Variants in VPS29 observed in about 807,000 individuals in gnomAD.
VPS29 encodes vacuolar protein sorting-associated protein 29.
Under a neutral mutation model 20.0 loss-of-function variants are expected in VPS29, and 2 were observed. The observed-to-expected ratio is 0.10, with a 90% CI of 0.04 to 0.31. The LOEUF is 0.31. Ranked by LOEUF, VPS29 falls within the 10% of genes least tolerant of loss-of-function variation. The pLI is 1.00. For synonymous variants in VPS29, 81 were observed against 79.3 expected, an observed-to-expected ratio of 1.02 and a Z score of -0.12; for missense variants, 120 against 215.3, an observed-to-expected ratio of 0.56 and a Z score of 2.77.
intron 2 of VPS29, 43 bp downstream of exon 2, chr12:110,495,969 C>A: frequency 2.1e-6 from 3 of 1,441,442 alleles, no homozygotes; most frequent in South Asian, 3.3e-5. Context: ...AAGTAATAAT[C>A]AAGAAAGGGA....
intron 1 of VPS29, 45 bp from the exon 2 acceptor site, chr12:110,496,248 A>G: frequency 6.7e-7 from 1 of 1,495,230 alleles, no homozygotes; most frequent in Non-Finnish European, 9.1e-7. Flanking sequence ...TAAACACAAT[A>G]TCAAAACAAA....
At chr12:110,495,639 A>C (rs976071833) in intron 2 of VPS29, among the ~76,000 whole-genome samples, 15 of 151,908 alleles carry the variant, frequency 9.9e-5, no homozygotes, top group African/African-American at 3.6e-4. Context: ...CCTGAGAGGC[A>C]GAGGTTTCAG....
intron 3 of VPS29, 31 bp downstream of exon 3, chr12:110,492,965 C>T: frequency 6.4e-7 from 1 of 1,556,602 alleles, no homozygotes; most frequent in Non-Finnish European, 8.7e-7. Flanking sequence ...TTTACTAAAG[C>T]CCCCAAATTC....
At chr12:110,499,495 C>T in intron 1 of VPS29, 1 of 1,611,460 alleles carries the variant, frequency 6.2e-7, no homozygotes, top group Non-Finnish European at 8.5e-7. Flanking sequence ...AACAGCCACC[C>T]AACCACCACT....
At chr12:110,497,970 ATT>A (rs559575872) in intron 1 of VPS29, among the ~76,000 whole-genome samples, 19 of 131,366 alleles carry the variant, frequency 1.4e-4, no homozygotes, top group Non-Finnish European at 8.2e-5. Context: ...AACAGAATCG[ATT>A]TTTTTTTTTT....
Position 110,496,180 on chromosome 12 carries a change from C to T in VPS29, c.27G>A (p.Leu9=), listed in dbSNP as rs938933125. The change falls in exon 2 of 4, where the codon CTG becomes CTA. Residue 9 remains leucine, a synonymous_variant. Transcript: ENST00000549578. MLVLVLGD[L]HIPHRCNSLP... ...AACTGTTGCACCGGTGTGGGATGTG[C>T]AGATCTCCTAATACCAACACCAACT... 3 of 1,611,456 alleles carry T rather than the reference C, an allele frequency of 1.9e-6. No individual in the cohort carries two copies. In the African/African-American group the frequency reaches 4.0e-5, roughly 22 times the overall value.
At position 110,493,164 on chromosome 12, in the gene VPS29, T is replaced by A. The variant is rs1254156966; in HGVS notation, c.263A>T (p.His88Leu). 1 of 1,612,542 alleles carries A rather than the reference T, an allele frequency of 6.2e-7. No individual in the cohort carries two copies. The highest frequency in any genetic ancestry group is 8.5e-7 in the Non-Finnish European group (1 of 1,179,428). The change falls in exon 3 of 4, where the codon CAT becomes CTT. Residue 88 changes from histidine to leucine, a missense_variant. By Grantham distance (99) the His-to-Leu change is moderately conservative. Transcript: ENST00000549578. ...GQFKIGLIHG[H>L]QVIPWGDMAS... is the part of the protein sequence containing the mutation. ...CATATCTCCCCATGGAATAACTTGA[T>A]GTCCATGGATCAGACCAATTTTGAA... is the stretch of plus-strand genomic sequence containing the variant.
Position 110,491,931 on chromosome 12 carries a change from C to T in VPS29, c.*74G>A. On this transcript the variant is annotated 3_prime_UTR_variant, in exon 4 of 4. Coordinates refer to ENST00000549578, the MANE Select transcript of VPS29 (RefSeq NM_016226.5). ...TTATAAAAGTGATACAATTTTGTGG[C>T]TCTTAAATGTTTAATTACTTGATTT... The T allele has an allele frequency of 9.6e-7, 1 of 1,039,920 alleles. No individual in the cohort carries two copies. Among genetic ancestry groups the T allele is most frequent in the Non-Finnish European group, 1.5e-6 (1 of 676,646 alleles). 64.4% of individuals were successfully genotyped at this position (1,039,920 alleles called of 1,614,324 possible).
chr12:110,496,172 G>T lies in VPS29; in HGVS notation c.35C>A (p.Pro12Gln), dbSNP rs754505678. Reference protein sequence around the residue: ...LVLVLGDLHIPHRCNSLPAKF... With the variant: ...LVLVLGDLHIQHRCNSLPAKF... The stretch of plus-strand genomic sequence containing the variant: ...AGCTGGCAAACTGTTGCACCGGTGT[G>T]GGATGTGCAGATCTCCTAATACCAA... The change falls in exon 2 of 4, where the codon CCA (proline) becomes CAA (glutamine). Residue 12 changes from proline to glutamine, a missense_variant. Pro to Gln is a moderately conservative substitution (Grantham distance 76). Transcript: ENST00000549578. The T allele has an allele frequency of 6.2e-7, 1 of 1,613,242 alleles. No homozygotes were observed. Among genetic ancestry groups the T allele is most frequent in the Non-Finnish European group, 8.5e-7 (1 of 1,179,330 alleles).
intron 1 of VPS29, chr12:110,501,277 G>A (rs948040217): frequency 1.8e-6 from 2 of 1,084,774 alleles, no homozygotes; most frequent in Non-Finnish European, 2.6e-6. Flanking sequence ...AACTACTGGG[G>A]GTGAAGGGGT....
intron 2 of VPS29, among the ~76,000 whole-genome samples, chr12:110,493,698 A>T (rs1565859328): frequency 6.6e-6 from 1 of 152,134 alleles, no homozygotes; most frequent in Non-Finnish European, 1.5e-5. Context: ...TTGGTCTCCA[A>T]GGCTGCATCT....
In VPS29 at chr12:110,493,092, A is replaced by G. The variant is rs1276533496; in HGVS notation, c.335T>C (p.Ile112Thr). The G allele has an allele frequency of 6.2e-7, 1 of 1,614,126 alleles. No homozygotes were observed. Among genetic ancestry groups the G allele is most frequent in the Non-Finnish European group, 8.5e-7 (1 of 1,180,028 alleles). ...TTCAAATTTGTGTGTGTGTCCCGAGATAAGAATGTCCACATCAAATTGCCT... is the reference window on the plus strand; with the variant it reads ...TTCAAATTTGTGTGTGTGTCCCGAGGTAAGAATGTCCACATCAAATTGCCT... ...LQRQFDVDIL[I>T]SGHTHKFEAF... The change falls in exon 3 of 4, where the codon ATC (isoleucine) becomes ACC (threonine). Residue 112 changes from isoleucine to threonine, a missense_variant. Ile to Thr is a moderately conservative substitution (Grantham distance 89). Transcript: ENST00000549578.
At chr12:110,493,297 T>C (rs2062848804) in intron 2 of VPS29, 66 bp from the exon 3 acceptor site, 1 of 1,182,520 alleles carries the variant, frequency 8.5e-7, no homozygotes, top group Non-Finnish European at 1.1e-6. Flanking sequence ...AAAAATCAGT[T>C]TCCTTAAATA....
rs11554379 is a variant in VPS29, at chr12:110,496,064, T to G, written c.143A>C (p.Tyr48Ser). The change falls in exon 2 of 4, where the codon TAT becomes TCT. Residue 48 changes from tyrosine (Y) to serine (S), a missense_variant. By Grantham distance (144) the Tyr-to-Ser change is moderately radical. Coordinates refer to ENST00000549578, the MANE Select transcript of VPS29 (RefSeq NM_016226.5). ...GNLCTKESYD[Y>S]LKTLAGDVHI... ...AACATCACCAGCCAGAGTCTTGAGA[T>G]AGTCATAACTCTCTTTGGTGCAAAG... 14 of 1,610,308 alleles carry G rather than the reference T, an allele frequency of 8.7e-6. No individual in the cohort carries two copies. The highest frequency in any genetic ancestry group is 1.3e-5 in the African/African-American group (1 of 74,888).
intron 1 of VPS29, among the ~76,000 whole-genome samples, chr12:110,501,147 C>T (rs375495765): frequency 2.0e-5 from 3 of 152,130 alleles, no homozygotes; most frequent in East Asian, 1.9e-4. Flanking sequence ...CATTGCACTC[C>T]AGCCTGGGCG....
rs2062823765 is a variant in VPS29 at position 110,491,994 on chromosome 12, C to T, written c.*11G>A. On this transcript the variant is annotated 3_prime_UTR_variant, in exon 4 of 4. Transcript: ENST00000549578. ...GAAAAAAAACCAAAAATCATCAAGACAGGCCTGGCTTTAAGGTTTTTTGTA... is the reference window on the plus strand; with the variant it reads ...GAAAAAAAACCAAAAATCATCAAGATAGGCCTGGCTTTAAGGTTTTTTGTA... The T allele has an allele frequency of 1.2e-6, 2 of 1,605,054 alleles. No homozygotes were observed. The highest frequency in any genetic ancestry group is 1.3e-5 in the African/African-American group (1 of 74,654).
At chr12:110,501,750 C>T (rs997633701) in intron 1 of VPS29, 2 of 1,121,028 alleles carry the variant, frequency 1.8e-6, no homozygotes, top group African/African-American at 3.1e-5. Flanking sequence ...CAAAGGCCTT[C>T]CCTGGCTCGG....
At chr12:110,501,870 G>C in intron 1 of VPS29, 179 bp downstream of exon 1, 1 of 1,451,634 alleles carries the variant, frequency 6.9e-7, no homozygotes, top group Non-Finnish European at 9.4e-7. Flanking sequence ...CGCACCCAGA[G>C]GTGGCCGCTC....
chr12:110,492,479 AG>A lies in VPS29; in HGVS notation c.432-358del, dbSNP rs560618774. Among the ~76,000 whole-genome samples, 51 of 152,186 alleles carry A rather than the reference AG, an allele frequency of 3.4e-4. 1 individual carries two copies. In the South Asian group the frequency reaches 9.5e-3, roughly 28 times the overall value. On this transcript the variant is annotated intron_variant, in intron 3 of 3. Coordinates refer to ENST00000549578, the MANE Select transcript of VPS29 (RefSeq NM_016226.5). ...CGGCTACTTGGGAGACTGAGGCACA[AG>A]AATCACTTGAACCCGGGAGACAGAG...
Sources: gnomAD v4.1 joint callset for allele counts (sites outside exome capture counted in the v4.1 genomes callset) on GRCh38, gnomAD v4.1.1 for gene constraint, MANE v1.5 for transcripts, NCBI Gene and HGNC (gene_info 2026-07-23, HGNC 2026-07-21) for gene names.